The following KCNN2 variants were observed in gnomAD, a reference collection of about 807,000 sequenced individuals.
The protein encoded by KCNN2 is small conductance calcium-activated potassium channel protein 2.
KCNN2 carries 24 observed loss-of-function variants against 55.5 expected under a neutral mutation model. The observed-to-expected ratio is 0.43, with a 90% confidence interval of 0.31 to 0.61. The LOEUF is 0.61. Among genes scored for constraint, KCNN2 ranks in the 20% least tolerant of loss-of-function variants. The pLI is 0.08. For missense variants in KCNN2, 754 were observed against 853.6 expected, an observed-to-expected ratio of 0.88 and a Z score of 1.45; for synonymous variants, 431 against 336.1, an observed-to-expected ratio of 1.28 and a Z score of -3.09.
intron 1 of KCNN2, among the ~76,000 whole-genome samples, chr5:114,072,302 A>G (rs1028567556): frequency 2.6e-5 from 4 of 151,878 alleles, no homozygotes; most frequent in African/African-American, 9.7e-5. Flanking sequence ...AAAAAAAAAA[A>G]AAAGTAATGT....
rs531372908 is a variant in KCNN2, at chr5:114,146,084, C to T, written c.-270-75396C>T. 3.3e-5 allele frequency among the ~76,000 whole-genome samples: 5 copies of T among 152,176 alleles called. No homozygotes were observed. In the South Asian group the frequency reaches 1.0e-3, roughly 32 times the overall value. On this transcript the variant is annotated intron_variant, in intron 1 of 10. Coordinates refer to the KCNN2 transcript ENST00000512097. ...TGGGGAAACACAAGCATAGCCTCTT[C>T]CCCACGTTAAAATAGAAGCTTTTGA...
chr5:114,332,060 TC>T (rs1203615782), intron 2 of KCNN2, among the ~76,000 whole-genome samples: 3 of 152,230 alleles, frequency 2.0e-5, no homozygotes, highest in Non-Finnish European at 2.9e-5. Context: ...ATTTGAGACT[TC>T]AGAAAAGACA....
chr5:114,182,881 G>T (rs1330595612), intron 1 of KCNN2, among the ~76,000 whole-genome samples: 1 of 151,890 alleles, frequency 6.6e-6, no homozygotes, highest in African/African-American at 2.4e-5. Context: ...TATTGCAATG[G>T]CTACAATTTC....
chr5:114,327,510 C>T (rs933544973), intron 2 of KCNN2, among the ~76,000 whole-genome samples: 1 of 152,110 alleles, frequency 6.6e-6, no homozygotes, highest in Non-Finnish European at 1.5e-5. Flanking sequence ...AGATAAAAAA[C>T]GCTGAGTTAA....
intron 1 of KCNN2, among the ~76,000 whole-genome samples, chr5:114,111,597 A>G (rs1034420986): frequency 2.6e-5 from 4 of 152,218 alleles, no homozygotes; most frequent in African/African-American, 9.7e-5. Context: ...CAAAGGGCTA[A>G]TATCCAGAAT....
At chr5:114,396,211 C>A (rs1758612097) in intron 2 of KCNN2, among the ~76,000 whole-genome samples, 1 of 152,114 alleles carries the variant, frequency 6.6e-6, no homozygotes, top group Admixed American at 6.5e-5. Flanking sequence ...GACAAGATTT[C>A]TACTTTTGTT....
intron 6 of KCNN2, among the ~76,000 whole-genome samples, chr5:114,492,375 A>C (rs576956681): frequency 1.2e-4 from 18 of 152,310 alleles, no homozygotes; most frequent in African/African-American, 3.8e-4. Flanking sequence ...ACTTGTCATC[A>C]AAGCAAAATA....
chr5:114,085,799 T>C (rs1751003863), intron 1 of KCNN2, among the ~76,000 whole-genome samples: 1 of 152,082 alleles, frequency 6.6e-6, no homozygotes, highest in South Asian at 2.1e-4. Flanking sequence ...TTGTCTTTGA[T>C]TCCATCAGTT....
At chr5:114,264,971 A>G (rs1401786935) in intron 2 of KCNN2, among the ~76,000 whole-genome samples, 1 of 152,176 alleles carries the variant, frequency 6.6e-6, no homozygotes, top group Non-Finnish European at 1.5e-5. Context: ...TTTTGTGTCT[A>G]CCATTTAATT....
chr5:114,276,029 T>C (rs1017613756), intron 2 of KCNN2, among the ~76,000 whole-genome samples: 63 of 152,212 alleles, frequency 4.1e-4, no homozygotes, highest in Admixed American at 6.5e-4. Context: ...GTACATTGTG[T>C]CTTTGTTCTC....
chr5:114,382,643 A>G (rs1460350590), intron 2 of KCNN2, among the ~76,000 whole-genome samples: 1 of 152,252 alleles, frequency 6.6e-6, no homozygotes, highest in Non-Finnish European at 1.5e-5. Flanking sequence ...ACCCAAGACA[A>G]TACTACTTTT....
chr5:114,097,831 C>G (rs1473507385), intron 1 of KCNN2, among the ~76,000 whole-genome samples: 1 of 152,154 alleles, frequency 6.6e-6, no homozygotes, highest in Non-Finnish European at 1.5e-5. Flanking sequence ...GGTACCTCCT[C>G]TGAATATTCT....
At chr5:114,242,572 TG>T (rs1237842958) in intron 2 of KCNN2, among the ~76,000 whole-genome samples, 1 of 152,180 alleles carries the variant, frequency 6.6e-6, no homozygotes, top group Non-Finnish European at 1.5e-5. Flanking sequence ...ACTTAGTCCT[TG>T]GGAAGACCAG....
chr5:114,304,136 G>C (rs1200552428), intron 2 of KCNN2, among the ~76,000 whole-genome samples: 1 of 152,060 alleles, frequency 6.6e-6, no homozygotes, highest in African/African-American at 2.4e-5. Flanking sequence ...TGTTCTTTAG[G>C]GCTACTCCTG....
intron 2 of KCNN2, among the ~76,000 whole-genome samples, chr5:114,287,694 G>A (rs1437853234): frequency 2.6e-5 from 4 of 151,548 alleles, no homozygotes; most frequent in South Asian, 4.2e-4. Context: ...GCAGTAAACC[G>A]CCATGGCACA....
chr5:114,202,744 G>T (rs1016450566), intron 1 of KCNN2, among the ~76,000 whole-genome samples: 1 of 151,184 alleles, frequency 6.6e-6, no homozygotes, highest in Non-Finnish European at 1.5e-5. Context: ...CTGCCACCAC[G>T]CCTGGCTAAT....
intron 2 of KCNN2, among the ~76,000 whole-genome samples, chr5:114,378,071 T>C (rs1430324081): frequency 2.6e-5 from 4 of 152,196 alleles, no homozygotes; most frequent in Non-Finnish European, 5.9e-5. Context: ...AGAGGGACAT[T>C]GGGCAGAGAA....
chr5:114,222,440 C>T (rs1413504332), intron 2 of KCNN2, among the ~76,000 whole-genome samples: 1 of 152,104 alleles, frequency 6.6e-6, no homozygotes, highest in African/African-American at 2.4e-5. Context: ...TGAGGGCCTT[C>T]CCCAAAATAC....
At chr5:114,164,178 T>C (rs149944438) in intron 1 of KCNN2, among the ~76,000 whole-genome samples, 1 of 152,304 alleles carries the variant, frequency 6.6e-6, no homozygotes, top group East Asian at 1.9e-4. Context: ...AACTTGCAAG[T>C]AAGATATATT....
Sources: allele counts gnomAD v4.1 joint callset (sites outside exome capture counted in the v4.1 genomes callset), GRCh38; gene constraint gnomAD v4.1.1; transcripts MANE v1.5; gene names NCBI Gene and HGNC (gene_info 2026-07-23, HGNC 2026-07-21).